The following ZMYM2 variants were observed in gnomAD, a reference collection of about 807,000 sequenced individuals.
ZMYM2 encodes zinc finger MYM-type containing 2, also known as zinc finger MYM-type protein 2.
In ZMYM2, 56 loss-of-function variants were observed where a neutral mutation model predicts 162.8. The observed-to-expected ratio is 0.34, with a 90% CI of 0.28 to 0.43. The LOEUF is 0.43. ZMYM2 is among the 20% of genes least tolerant of loss of function. The probability of loss-of-function intolerance (pLI) is 1.00; values close to 1 mark genes in which losing one functional copy is unlikely to be tolerated. For missense variants in ZMYM2, 1,275 were observed against 1,621.8 expected (o/e 0.79, Z 3.67); for synonymous variants, 510 against 541.6 (o/e 0.94, Z 0.81).
At chr13:19,928,783 TG>T in the ZMYM2 span, among the ~76,000 whole-genome samples, 2 of 147,414 alleles carry the variant, frequency 1.4e-5, no homozygotes, top group African/African-American at 5.1e-5. Flanking sequence ...GGTGATAGAG[TG>T]AGACTCTGTC....
chr13:20,043,168 G>A (rs147494355), intron 12 of ZMYM2, among the ~76,000 whole-genome samples: 15 of 152,260 alleles, frequency 9.9e-5, no homozygotes, highest in African/African-American at 2.6e-4. Flanking sequence ...CTTTAACTCC[G>A]GGGTACTTAT....
the ZMYM2 span, among the ~76,000 whole-genome samples, chr13:19,867,230 G>A: frequency 6.6e-6 from 1 of 152,172 alleles, no homozygotes; most frequent in Admixed American, 6.5e-5. Context: ...GCACATGCCT[G>A]TAATCCCAGC....
At position 20,059,547 on chromosome 13, in the gene ZMYM2, T is replaced by C. The variant is rs780699147; in HGVS notation, c.2724T>C (p.Thr908=). The C allele has an allele frequency of 4.8e-6, 6 of 1,258,578 alleles. No individual in the cohort carries two copies. The South Asian group carries it at 7.2e-5, about 15-fold the overall frequency. The allele number at this position is 1,258,578 out of a possible 1,614,324, so 78.0% of individuals were successfully genotyped here. ...ACAGTCAGAATATTCCTGTTCCTAC[T>C]ACAGTTCCTGTTCCTGTAAGTCACA... ...HMYSQNIPVP[T]TVPVPVPVPV... Residue 908 remains threonine (T), a synonymous_variant, in exon 16 of 25, where the codon ACT becomes ACC. Transcript: ENST00000610343.
At chr13:20,017,956 A>G (rs145149351) in intron 6 of ZMYM2, among the ~76,000 whole-genome samples, 2,252 of 152,240 alleles carry the variant, frequency 0.015, 23 homozygotes, top group Middle Eastern at 0.048. Context: ...GGCATGATAA[A>G]TGATTTTTTT....
At chr13:19,918,875 G>T in the ZMYM2 span, among the ~76,000 whole-genome samples, 6 of 152,158 alleles carry the variant, frequency 3.9e-5, no homozygotes, top group Admixed American at 2.0e-4. Flanking sequence ...CAGAAAATTG[G>T]TATCGGTACA....
chr13:20,049,435 A>G (rs775118658), intron 12 of ZMYM2, among the ~76,000 whole-genome samples: 5 of 152,024 alleles, frequency 3.3e-5, no homozygotes, highest in Non-Finnish European at 7.4e-5. Flanking sequence ...ATTATTGTAT[A>G]AACGGAAATA....
intron 6 of ZMYM2, among the ~76,000 whole-genome samples, chr13:20,009,500 G>A (rs377229212): frequency 8.5e-5 from 13 of 152,134 alleles, no homozygotes; most frequent in African/African-American, 2.9e-4. Flanking sequence ...TTGTGCTACC[G>A]TTGACTCTAT....
At chr13:19,983,861 C>T (rs1219552231) in intron 2 of ZMYM2, among the ~76,000 whole-genome samples, 1 of 152,006 alleles carries the variant, frequency 6.6e-6, no homozygotes, top group Non-Finnish European at 1.5e-5. Context: ...ACTGCGGGCT[C>T]AAGAGATCTG....
the ZMYM2 span, among the ~76,000 whole-genome samples, chr13:19,899,960 G>T: frequency 6.6e-6 from 1 of 151,224 alleles, no homozygotes; most frequent in African/African-American, 2.4e-5. Flanking sequence ...ACTAAACTTA[G>T]AAATAAAGGA....
chr13:20,053,005 C>T (rs894207980), intron 14 of ZMYM2, among the ~76,000 whole-genome samples: 7 of 151,968 alleles, frequency 4.6e-5, no homozygotes, highest in Non-Finnish European at 8.8e-5. Context: ...ATTTATTTTT[C>T]TTTTGGTGTA....
chr13:19,949,953 G>A, the ZMYM2 span, among the ~76,000 whole-genome samples: 8 of 151,126 alleles, frequency 5.3e-5, no homozygotes, highest in African/African-American at 1.9e-4. Context: ...AGGAAGAAAG[G>A]AAGGAAAGAA....
intron 9 of ZMYM2, among the ~76,000 whole-genome samples, chr13:20,030,469 G>A (rs1953003675): frequency 6.6e-6 from 1 of 151,332 alleles, no homozygotes; most frequent in Non-Finnish European, 1.5e-5. Context: ...CGTGATCTCG[G>A]CTCACTGCAA....
the ZMYM2 span, among the ~76,000 whole-genome samples, chr13:19,884,846 A>G: frequency 6.6e-6 from 1 of 152,106 alleles, no homozygotes; most frequent in Admixed American, 6.6e-5. Flanking sequence ...AGAAAACCTG[A>G]GCACATCACA....
At chr13:20,042,065 C>G (rs921734929) in intron 12 of ZMYM2, among the ~76,000 whole-genome samples, 1 of 152,034 alleles carries the variant, frequency 6.6e-6, no homozygotes, top group Non-Finnish European at 1.5e-5. Flanking sequence ...AAGTATCATA[C>G]TGGGGTTCTC....
rs67460005 is a variant in ZMYM2 at position 19,971,262 on chromosome 13, ATTT to A, written c.-11+11255_-11+11257del. Among the ~76,000 whole-genome samples, 433 of 78,298 alleles carry A rather than the reference ATTT, an allele frequency of 5.5e-3. 2 individuals are homozygous for A. Among genetic ancestry groups the A allele is most frequent in the Middle Eastern group, 0.015 (2 of 134 alleles). The allele number at this position is 78,298 out of a possible 152,430, so 51.4% of individuals were successfully genotyped here. Reference sequence around the variant, plus strand: ...TGTGTGTGTATATATATATATATATATTTTTTTTTTTTTTTTTTTTTCCTTGAG... The same window carrying A: ...TGTGTGTGTATATATATATATATATATTTTTTTTTTTTTTTTTTCCTTGAG... On this transcript the variant is annotated intron_variant, in intron 2 of 24. Transcript: ENST00000610343.
Position 20,058,712 on chromosome 13 carries a change from A to G in ZMYM2, c.2623+8A>G. The G allele has an allele frequency of 6.2e-7, 1 of 1,612,936 alleles. No homozygotes were observed. The highest frequency in any genetic ancestry group is 1.1e-5 in the South Asian group (1 of 90,946). On this transcript the variant is annotated splice_region_variant and intron_variant, in intron 15 of 24. Coordinates refer to ENST00000610343, the MANE Select transcript of ZMYM2 (RefSeq NM_197968.4). ...CCAAATCTTGTCAGACAGGTAACTT[A>G]GGACAATGTGACTTACATACTTCCC...
At chr13:20,049,328 A>G (rs1043127842) in intron 12 of ZMYM2, among the ~76,000 whole-genome samples, 4 of 151,946 alleles carry the variant, frequency 2.6e-5, no homozygotes, top group South Asian at 2.1e-4. Context: ...TGTTGATTCT[A>G]TAAAAACCAA....
At position 20,034,358 on chromosome 13, in the gene ZMYM2, T is replaced by C. The variant is rs1163003919; in HGVS notation, c.2073T>C (p.His691=). 1 of 1,609,584 alleles carries C rather than the reference T, an allele frequency of 6.2e-7. No individual in the cohort carries two copies. The highest frequency in any genetic ancestry group is 8.5e-7 in the Non-Finnish European group (1 of 1,178,460). ...ACTGTCAAGAGGAGAAGACTCTTCATGAAACAGTAAATTTCTCTGGCGTTA... is the reference window on the plus strand; with the variant it reads ...ACTGTCAAGAGGAGAAGACTCTTCACGAAACAGTAAATTTCTCTGGCGTTA... The part of the protein sequence containing the change: ...CEYCQEEKTL[H]ETVNFSGVKR... Residue 691 remains histidine (H), a synonymous_variant, in exon 11 of 25, where the codon CAT becomes CAC. Transcript: ENST00000610343.
chr13:19,870,537 CTCTTTCTTT>C, the ZMYM2 span, among the ~76,000 whole-genome samples: 1 of 109,206 alleles, frequency 9.2e-6, no homozygotes, highest in African/African-American at 4.0e-5. Context: ...TTCTTTCTTT[CTCTTTCTTT>C]CTTTCTTCCT....
Sources: gnomAD v4.1 joint callset for allele counts (sites outside exome capture counted in the v4.1 genomes callset) on GRCh38, gnomAD v4.1.1 for gene constraint, MANE v1.5 for transcripts, NCBI Gene and HGNC (gene_info 2026-07-23, HGNC 2026-07-21) for gene names.